Variants in CPPED1 observed in about 807,000 individuals in gnomAD.
CPPED1 encodes the protein calcineurin like phosphoesterase domain containing 1.
In CPPED1, 28 loss-of-function variants were observed where a neutral mutation model predicts 28.0. The ratio of observed to expected loss-of-function variants is 1.00; its 90% confidence interval spans 0.74 to 1.37. The LOEUF (loss-of-function observed/expected upper bound fraction) is 1.37, where lower values mean the gene tolerates loss of function less well. Among genes scored for constraint, CPPED1 ranks in the 40% most tolerant of loss-of-function variants. The pLI, the probability that CPPED1 is intolerant of heterozygous loss-of-function variation, is 0.00. For synonymous variants in CPPED1, 198 were observed against 180.2 expected (o/e 1.10, Z -0.79); for missense variants, 504 against 416.5 (o/e 1.21, Z -1.83).
intron 1 of CPPED1, among the ~76,000 whole-genome samples, chr16:12,783,865 C>A (rs1327194250): frequency 6.6e-6 from 1 of 152,194 alleles, no homozygotes; most frequent in African/African-American, 2.4e-5. Context: ...CTGCATGAAA[C>A]CCTGGTGTGT....
At position 12,670,472 on chromosome 16, in the gene CPPED1, C is replaced by T. The variant is rs1287049729; in HGVS notation, c.716-5357G>A. Among the ~76,000 whole-genome samples, 1 of 151,980 alleles carries T rather than the reference C, an allele frequency of 6.6e-6. No individual in the cohort carries two copies. The highest frequency in any genetic ancestry group is 1.5e-5 in the Non-Finnish European group (1 of 68,008). ...ATCCCTTAGGTGTGGGCTGTGCATC[C>T]TGACTTCTGTTCAAAGAGTATAGTT... is the stretch of plus-strand genomic sequence containing the variant. On this transcript the variant is annotated intron_variant, in intron 3 of 3. Transcript: ENST00000381774. The surrounding 1 kb of genome is among the most constrained non-coding windows in gnomAD (Gnocchi z 4.2).
chr16:12,671,591 G>A (rs1421845318), intron 3 of CPPED1, among the ~76,000 whole-genome samples: 1 of 152,172 alleles, frequency 6.6e-6, no homozygotes, highest in Non-Finnish European at 1.5e-5. Flanking sequence ...CAGCTCAGGT[G>A]CATAAAGTAC....
At chr16:12,773,098 G>A (rs533416085) in intron 2 of CPPED1, among the ~76,000 whole-genome samples, 31 of 152,270 alleles carry the variant, frequency 2.0e-4, no homozygotes, top group African/African-American at 7.5e-4. Flanking sequence ...GGTAGGTAAG[G>A]GGTTATGTAC....
rs2079910205 is a variant in CPPED1 at position 12,682,449 on chromosome 16, T to A, written c.716-17334A>T. 1.3e-5 allele frequency among the ~76,000 whole-genome samples: 2 copies of A among 152,196 alleles called. No homozygotes were observed. The highest frequency in any genetic ancestry group is 6.5e-5 in the Admixed American group (1 of 15,288). ...ATGCAAGAGGAGGGCTGTATTTTTT[T>A]AATACTAATATTTGGTTGTCAGAAA... On this transcript the variant is annotated intron_variant, in intron 3 of 3. Transcript: ENST00000381774. The surrounding 1 kb of genome is among the most constrained non-coding windows in gnomAD (Gnocchi z 6.1).
At chr16:12,736,175 T>C (rs2080225881) in intron 2 of CPPED1, among the ~76,000 whole-genome samples, 1 of 151,934 alleles carries the variant, frequency 6.6e-6, no homozygotes. Context: ...AAGTGGGCTG[T>C]AGACTGTGTA....
chr16:12,729,959 T>C (rs1490739929), intron 2 of CPPED1, among the ~76,000 whole-genome samples: 1 of 152,134 alleles, frequency 6.6e-6, no homozygotes, highest in Non-Finnish European at 1.5e-5. Flanking sequence ...CCTCCTGGGC[T>C]CAAGTTATCC....
chr16:12,679,531 T>C (rs1560112), intron 3 of CPPED1, among the ~76,000 whole-genome samples: 134,117 of 152,252 alleles, frequency 0.88, 59,868 homozygotes, highest in African/African-American at 0.94. Context: ...TACTACTATA[T>C]ATGTTAGATA....
chr16:12,699,458 T>C (rs1282438584), intron 3 of CPPED1, among the ~76,000 whole-genome samples: 1 of 152,126 alleles, frequency 6.6e-6, no homozygotes, highest in Non-Finnish European at 1.5e-5. Context: ...GGTGGTCCAC[T>C]GCACAGTGAC....
intron 2 of CPPED1, among the ~76,000 whole-genome samples, chr16:12,750,612 A>G (rs952927902): frequency 1.3e-5 from 2 of 152,180 alleles, no homozygotes; most frequent in Admixed American, 1.3e-4. Flanking sequence ...CAGATATAGT[A>G]AAGAAGAAAA....
At chr16:12,724,278 C>G (rs1013670097) in intron 2 of CPPED1, among the ~76,000 whole-genome samples, 13 of 152,184 alleles carry the variant, frequency 8.5e-5, no homozygotes, top group African/African-American at 3.1e-4. Context: ...GGTCCTACCC[C>G]AGTGAGCTCA....
chr16:12,788,275 A>C (rs1334293717), intron 1 of CPPED1, among the ~76,000 whole-genome samples: 1 of 152,184 alleles, frequency 6.6e-6, no homozygotes, highest in Non-Finnish European at 1.5e-5. Context: ...CAAAGCATGA[A>C]CACCTGGAGG....
chr16:12,764,322 G>A (rs1229830791), intron 2 of CPPED1, among the ~76,000 whole-genome samples: 1 of 151,922 alleles, frequency 6.6e-6, no homozygotes, highest in African/African-American at 2.4e-5. Context: ...TCGTGCCTCA[G>A]CCTCCCAAGT....
At chr16:12,712,349 C>T (rs1479908576) in intron 2 of CPPED1, among the ~76,000 whole-genome samples, 3 of 152,118 alleles carry the variant, frequency 2.0e-5, no homozygotes, top group African/African-American at 4.8e-5. Context: ...ATTAAAACTC[C>T]TTTCAGGGGG....
At chr16:12,687,429 G>T (rs762281726) in intron 3 of CPPED1, among the ~76,000 whole-genome samples, 1 of 152,112 alleles carries the variant, frequency 6.6e-6, no homozygotes, top group Non-Finnish European at 1.5e-5. Flanking sequence ...CACCTTCTTG[G>T]GATAGGGCTT....
chr16:12,714,801 A>C (rs1205077479), intron 2 of CPPED1, among the ~76,000 whole-genome samples: 1 of 152,186 alleles, frequency 6.6e-6, no homozygotes, highest in Non-Finnish European at 1.5e-5. Context: ...AGTTTCATAA[A>C]GTCCAATTTA....
At chr16:12,695,121 C>T (rs944926929) in intron 3 of CPPED1, among the ~76,000 whole-genome samples, 1 of 152,126 alleles carries the variant, frequency 6.6e-6, no homozygotes, top group African/African-American at 2.4e-5. Context: ...ACATGATTGT[C>T]ACTGCCCTGT....
intron 3 of CPPED1, among the ~76,000 whole-genome samples, chr16:12,702,279 T>C (rs2080024648): frequency 6.6e-6 from 1 of 151,798 alleles, no homozygotes; most frequent in African/African-American, 2.4e-5. Flanking sequence ...CTCACACCTG[T>C]AATTTAAACT....
intron 2 of CPPED1, among the ~76,000 whole-genome samples, chr16:12,748,811 A>G (rs1479799164): frequency 6.6e-6 from 1 of 151,422 alleles, no homozygotes; most frequent in Non-Finnish European, 1.5e-5. Context: ...TGAACCCAGG[A>G]GGCAGAGGCT....
chr16:12,669,380 A>G (rs1414345144), intron 3 of CPPED1, among the ~76,000 whole-genome samples: 1 of 152,192 alleles, frequency 6.6e-6, no homozygotes, highest in Non-Finnish European at 1.5e-5. Flanking sequence ...GTGGAATGGT[A>G]AAAATGGTCT....
Sources: gnomAD v4.1 joint callset for allele counts (sites outside exome capture counted in the v4.1 genomes callset) on GRCh38, gnomAD v4.1.1 for gene constraint, Gnocchi (gnomAD v3.1) non-coding constraint, MANE v1.5 for transcripts, NCBI Gene and HGNC (gene_info 2026-07-23, HGNC 2026-07-21) for gene names.